Variants in CARD10 observed in about 807,000 individuals in gnomAD.
CARD10 encodes caspase recruitment domain family member 10.
Under a neutral mutation model 114.6 loss-of-function variants are expected in CARD10, and 49 were observed. That is an observed-to-expected ratio of 0.43 (90% CI 0.34 to 0.54). CARD10 has a LOEUF of 0.54. Ranked by LOEUF, CARD10 falls within the 20% of genes least tolerant of loss-of-function variation. The pLI is 0.03. For missense variants in CARD10, 1,206 were observed against 1,397.2 expected (o/e 0.86, Z 2.18); for synonymous variants, 602 against 593.2 (o/e 1.01, Z -0.21).
Position 37,494,163 on chromosome 22 carries a change from A to C in CARD10, c.2399T>G (p.Leu800Arg). 6.4e-7 allele frequency: 1 copy of C among 1,555,922 alleles called. No homozygotes were observed. Among genetic ancestry groups the C allele is most frequent in the Non-Finnish European group, 8.7e-7 (1 of 1,149,810 alleles). The stretch of plus-strand genomic sequence containing the variant: ...CACGGGCTTGGGCCTCACCAGCCGC[A>C]GCTGGTCCAGGGCTCTCTTCTTCAG... Reference protein sequence around the residue: ...SNLKKRALDQLRLVRPKPVGA... With the variant: ...SNLKKRALDQRRLVRPKPVGA... The change falls in exon 16 of 20, where the codon CTG becomes CGG. Residue 800 changes from leucine to arginine, a missense_variant. Leu to Arg is a moderately radical substitution (Grantham distance 102). Around this residue, in one of 2 missense-constraint regions of CARD10, gnomAD observed 1,068 missense variants for 1,179.1 expected, o/e 0.91. Transcript: ENST00000251973.
rs754752709 is a variant in CARD10, at chr22:37,515,563, C to CA, written c.699+409dup. Among the ~76,000 whole-genome samples the CA allele has an allele frequency of 7.8e-3, 568 of 73,262 alleles. 3 individuals are homozygous for CA. The highest frequency in any genetic ancestry group is 0.011 in the East Asian group (27 of 2,372). The allele number at this position is 73,262 out of a possible 152,430, so 48.1% of individuals were successfully genotyped here. On this transcript the variant is annotated intron_variant, in intron 3 of 19. Coordinates refer to ENST00000251973, the MANE Select transcript of CARD10 (RefSeq NM_014550.4). ...GGGCAACAAGGGTGAGACTCCATCTCAAAAAAAAAAAAAAAAAAAACAACT... is the reference window on the plus strand; with the variant it reads ...GGGCAACAAGGGTGAGACTCCATCTCAAAAAAAAAAAAAAAAAAAAACAACT...
intron 18 of CARD10, 47 bp from the exon 19 acceptor site, chr22:37,491,914 C>G (rs1601806769): frequency 7.5e-7 from 1 of 1,334,732 alleles, no homozygotes; most frequent in Middle Eastern, 1.8e-4. Flanking sequence ...CCACAGACAT[C>G]AGCCTCCCAT....
In CARD10 at chr22:37,503,224, A is replaced by T. The variant is rs755755303; in HGVS notation, c.1635-11T>A. ...ATGCTGCTGAAGGATCTGGGCAGAG[A>T]GAGGGCAGGGAGGGGGCAGGAGGTG... On this transcript the variant is annotated splice_polypyrimidine_tract_variant and intron_variant, in intron 9 of 19. Coordinates refer to ENST00000251973, the MANE Select transcript of CARD10 (RefSeq NM_014550.4). The T allele has an allele frequency of 6.2e-7, 1 of 1,610,182 alleles. No individual in the cohort carries two copies. Among genetic ancestry groups the T allele is most frequent in the Admixed American group, 1.7e-5 (1 of 59,678 alleles).
intron 3 of CARD10, among the ~76,000 whole-genome samples, chr22:37,513,373 GT>G (rs1923728465): frequency 6.6e-6 from 1 of 152,060 alleles, no homozygotes; most frequent in African/African-American, 2.4e-5. Context: ...GCCTCCCAAA[GT>G]GCTGGGATTA....
At chr22:37,513,995 T>A (rs1390854901) in intron 3 of CARD10, among the ~76,000 whole-genome samples, 2 of 151,226 alleles carry the variant, frequency 1.3e-5, no homozygotes, top group East Asian at 3.9e-4. Flanking sequence ...TCCCAGCTAC[T>A]CAGGAGGCTG....
At chr22:37,494,264 C>T (rs1922912695) in intron 15 of CARD10, 76 bp from the exon 16 acceptor site, 1 of 1,014,952 alleles carries the variant, frequency 9.9e-7, no homozygotes, top group South Asian at 1.5e-5. Flanking sequence ...AACGGGACCC[C>T]TGGCACAGCG....
rs1174969328 is a variant in CARD10 at position 37,495,547 on chromosome 22, G to A, written c.2343C>T (p.Pro781=). 3.7e-6 allele frequency: 6 copies of A among 1,613,234 alleles called. No homozygotes were observed. The highest frequency in any genetic ancestry group is 5.1e-6 in the Non-Finnish European group (6 of 1,179,838). ...QLLEVQEKCL[P]SSRHRGPRSN... is the part of the protein sequence containing the mutation. ...TGCGGGGGCCTCGGTGCCGGCTGGAGGGCAGGCATTTCTCCTGAACTTCTA... is the reference window on the plus strand; with the variant it reads ...TGCGGGGGCCTCGGTGCCGGCTGGAAGGCAGGCATTTCTCCTGAACTTCTA... Residue 781 remains proline (P), a synonymous_variant, in exon 15 of 20, where the codon CCC becomes CCT. Transcript: ENST00000251973.
Position 37,510,349 on chromosome 22 carries a change from G to C in CARD10, c.772C>G (p.Pro258Ala), listed in dbSNP as rs541633420. 1 of 1,612,350 alleles carries C rather than the reference G, an allele frequency of 6.2e-7. No homozygotes were observed. The highest frequency in any genetic ancestry group is 1.1e-5 in the South Asian group (1 of 91,066). ...TTCTCCTTCTCCTCTGCCCCAGGGGGCGGGCCCCTGGCCCTTCGAAGCAGT... is the reference window on the plus strand; with the variant it reads ...TTCTCCTTCTCCTCTGCCCCAGGGGCCGGGCCCCTGGCCCTTCGAAGCAGT... ...CALLRRARGP[P>A]PGAEEKEKEK... Residue 258 changes from proline to alanine, a missense_variant, in exon 4 of 20, where the codon CCC becomes GCC. Pro to Ala is a conservative substitution (Grantham distance 27, BLOSUM62 -1). Around this residue, in one of 2 missense-constraint regions of CARD10, gnomAD observed 1,068 missense variants for 1,179.1 expected, o/e 0.91. Coordinates refer to ENST00000251973, the MANE Select transcript of CARD10 (RefSeq NM_014550.4).
intron 19 of CARD10, among the ~76,000 whole-genome samples, 179 bp downstream of exon 19, chr22:37,491,576 G>GAGA (rs369282606): frequency 2.8e-4 from 1 of 3,584 alleles, no homozygotes; most frequent in Admixed American, 3.1e-3. Context: ...GGGGGAGGGA[G>GAGA]GGGGGAGGGA....
chr22:37,497,505 T>A (rs1923049480), intron 11 of CARD10, among the ~76,000 whole-genome samples: 1 of 152,144 alleles, frequency 6.6e-6, no homozygotes, highest in Non-Finnish European at 1.5e-5. Flanking sequence ...CAAACTTCTA[T>A]ACTGTTCCGC....
chr22:37,512,455 A>AC (rs113605227), intron 3 of CARD10, among the ~76,000 whole-genome samples: 39,212 of 128,838 alleles, frequency 0.3, 7,364 homozygotes, highest in African/African-American at 0.52. Flanking sequence ...TTAGAATGGC[A>AC]GCCCCCCCTC....
chr22:37,515,883 A>G (rs1923828159), intron 3 of CARD10, 90 bp downstream of exon 3: 1 of 1,035,474 alleles, frequency 9.7e-7, no homozygotes, highest in Non-Finnish European at 1.4e-6. Flanking sequence ...AGAGCCAGCA[A>G]TGGTGGCTCT....
At chr22:37,495,099 A>G (rs1601808433) in intron 15 of CARD10, among the ~76,000 whole-genome samples, 1 of 152,118 alleles carries the variant, frequency 6.6e-6, no homozygotes, top group South Asian at 2.1e-4. Flanking sequence ...AGTAGCTGAG[A>G]CTACAGGCAC....
chr22:37,508,549 C>T lies in CARD10; in HGVS notation c.1043G>A (p.Trp348Ter), dbSNP rs766062665. 3 of 1,597,320 alleles carry T rather than the reference C, an allele frequency of 1.9e-6. No homozygotes were observed. In the African/African-American group the frequency reaches 4.0e-5, roughly 21 times the overall value. ...KLHAVQGELQWAEELRDQYLQ... is the reference protein window; with the variant it reads ...KLHAVQGELQ ...CACCTGGTCGCGCAGCTCCTCGGCCCACTGCAGCTCCCCCTGCACGGCATG... is the reference window on the plus strand; with the variant it reads ...CACCTGGTCGCGCAGCTCCTCGGCCTACTGCAGCTCCCCCTGCACGGCATG... Residue 348 changes from tryptophan (W) to a stop codon, truncating the protein, a stop_gained, in exon 5 of 20, where the codon TGG (tryptophan) becomes TAG (stop). Coordinates refer to ENST00000251973, the MANE Select transcript of CARD10 (RefSeq NM_014550.4). LOFTEE classifies it high-confidence loss of function.
chr22:37,497,113 G>T lies in CARD10; in HGVS notation c.1853C>A (p.Pro618Gln), dbSNP rs768459581. The T allele has an allele frequency of 5.0e-6, 8 of 1,614,222 alleles. No homozygotes were observed. The highest frequency in any genetic ancestry group is 5.9e-6 in the Non-Finnish European group (7 of 1,180,042). ...GTCCCCATAAAACGACAGTCCATCT[G>T]GTCCCTTGTCCTGCGGCTCTGGGCC... is the stretch of plus-strand genomic sequence containing the variant. ...PGGPEPQDKG[P>Q]DGLSFYGDRW... Residue 618 changes from proline to glutamine, a missense_variant, in exon 12 of 20, where the codon CCA becomes CAA. By Grantham distance (76) the Pro-to-Gln change is moderately conservative (BLOSUM62 -1). Transcript: ENST00000251973.
At chr22:37,491,917 C>T in intron 18 of CARD10, 50 bp from the exon 19 acceptor site, 2 of 1,298,974 alleles carry the variant, frequency 1.5e-6, no homozygotes, top group East Asian at 4.6e-5. Context: ...CAGACATCAG[C>T]CTCCCATGCG....
intron 16 of CARD10, among the ~76,000 whole-genome samples, chr22:37,493,029 C>T (rs1165711699): frequency 6.6e-6 from 1 of 152,164 alleles, no homozygotes. Context: ...CATCCAGCAG[C>T]CAGAGAGGCT....
chr22:37,504,600 G>A (rs3817804), intron 8 of CARD10, 35 bp downstream of exon 8: 153,201 of 1,447,312 alleles, frequency 0.11, 9,230 homozygotes, highest in East Asian at 0.26. Flanking sequence ...CTATAGCAGT[G>A]TCCCCCCTTA....
chr22:37,508,764 T>C, intron 4 of CARD10, 82 bp from the exon 5 acceptor site: 1 of 1,430,698 alleles, frequency 7.0e-7, no homozygotes, highest in Non-Finnish European at 9.3e-7. Flanking sequence ...CACGCAGCTC[T>C]CAGCCCTCCA....
Sources: allele counts gnomAD v4.1 joint callset (sites outside exome capture counted in the v4.1 genomes callset), GRCh38; gene constraint gnomAD v4.1.1; regional missense constraint gnomAD v4.1.1; transcripts MANE v1.5; gene names NCBI Gene and HGNC (gene_info 2026-07-23, HGNC 2026-07-21).